The following CTNNAL1 variants were observed in gnomAD, a reference collection of about 807,000 sequenced individuals.
The protein encoded by CTNNAL1 is alpha-catulin.
In CTNNAL1, 69 loss-of-function variants were observed where a neutral mutation model predicts 93.6. The ratio of observed to expected loss-of-function variants is 0.74; its 90% confidence interval spans 0.61 to 0.90. CTNNAL1 has a LOEUF of 0.90. Ranked by LOEUF, CTNNAL1 falls within the 40% of genes least tolerant of loss-of-function variation. CTNNAL1 has a pLI of 0.00. For synonymous variants in CTNNAL1, 286 were observed against 305.4 expected (o/e 0.94, Z 0.66); for missense variants, 836 against 862.0 (o/e 0.97, Z 0.38).
At chr9:108,972,864 G>GGGGGGCGGCCCCCC in intron 8 of CTNNAL1, 31 bp from the exon 9 acceptor site, 1 of 142,584 alleles carries the variant, frequency 7.0e-6, no homozygotes, top group Non-Finnish European at 1.0e-5. Flanking sequence ...GGGGGGGTGG[G>GGGGGGCGGCCCCCC]AGGGTGGAGA....
chr9:108,979,131 G>A, intron 7 of CTNNAL1, 150 bp downstream of exon 7: 1 of 954,304 alleles, frequency 1.0e-6, no homozygotes, highest in East Asian at 2.6e-5. Flanking sequence ...GGATATTTTG[G>A]CCAACTAGGA....
At chr9:109,006,679 G>A (rs1827036630) in intron 1 of CTNNAL1, among the ~76,000 whole-genome samples, 1 of 152,128 alleles carries the variant, frequency 6.6e-6, no homozygotes, top group Admixed American at 6.5e-5. Flanking sequence ...CATCCCTTGG[G>A]GAAGAAAGAA....
Position 108,983,214 on chromosome 9 carries a change from A to G in CTNNAL1, c.831T>C (p.Thr277=), listed in dbSNP as rs1234304418. The change falls in exon 6 of 19, where the codon ACT becomes ACC. Residue 277 remains threonine (T), a synonymous_variant. Coordinates refer to ENST00000325551, the MANE Select transcript of CTNNAL1 (RefSeq NM_003798.4). ...CAGTCTCTCCATTCGGTTTACAGTC[A>G]GTCACAATTTCAATGACCTTATCCA... ...VALDKVIEIV[T]DCKPNGETDI... is the part of the protein sequence containing the mutation. The G allele has an allele frequency of 2.0e-5, 32 of 1,592,786 alleles. No homozygotes were observed. Among genetic ancestry groups the G allele is most frequent in the Non-Finnish European group, 2.7e-5 (32 of 1,169,418 alleles).
intron 17 of CTNNAL1, among the ~76,000 whole-genome samples, chr9:108,943,438 CT>C (rs1830305808): frequency 6.6e-6 from 1 of 152,158 alleles, no homozygotes; most frequent in South Asian, 2.1e-4. Context: ...CACCTGTGTC[CT>C]AGTTGCAGAG....
intron 4 of CTNNAL1, among the ~76,000 whole-genome samples, chr9:108,984,902 C>T (rs1359670958): frequency 6.6e-6 from 1 of 152,210 alleles, no homozygotes; most frequent in Non-Finnish European, 1.5e-5. Flanking sequence ...AACTGCTATG[C>T]ATCTCAAATT....
intron 9 of CTNNAL1, among the ~76,000 whole-genome samples, chr9:108,971,334 C>A (rs1207382014): frequency 6.6e-6 from 1 of 152,212 alleles, no homozygotes; most frequent in African/African-American, 2.4e-5. Flanking sequence ...CATTTATACA[C>A]ATGTTGGCTA....
At chr9:108,951,768 A>ATGG (rs1299992649) in intron 14 of CTNNAL1, among the ~76,000 whole-genome samples, 12 of 152,224 alleles carry the variant, frequency 7.9e-5, no homozygotes, top group Admixed American at 5.9e-4. Context: ...TACATAATGA[A>ATGG]TGGTGACTCA....
At chr9:108,985,417 T>C (rs1441327131) in intron 4 of CTNNAL1, among the ~76,000 whole-genome samples, 1 of 152,246 alleles carries the variant, frequency 6.6e-6, no homozygotes, top group Non-Finnish European at 1.5e-5. Flanking sequence ...TAAAGGCCCC[T>C]TCTTACAAAT....
chr9:108,993,572 G>T (rs1831897566), intron 2 of CTNNAL1, among the ~76,000 whole-genome samples: 1 of 152,106 alleles, frequency 6.6e-6, no homozygotes. Context: ...CAACCCTCTA[G>T]AAAAATTATC....
intron 1 of CTNNAL1, among the ~76,000 whole-genome samples, chr9:109,006,124 C>T (rs1827019005): frequency 1.3e-5 from 2 of 152,102 alleles, no homozygotes; most frequent in Non-Finnish European, 2.9e-5. Flanking sequence ...ACCCATAATC[C>T]TACTAACCTC....
intron 6 of CTNNAL1, among the ~76,000 whole-genome samples, chr9:108,980,213 C>G (rs11788406): frequency 6.6e-6 from 1 of 152,166 alleles, no homozygotes; most frequent in African/African-American, 2.4e-5. Context: ...CCTGAACCCC[C>G]TAACAACCTT....
intron 2 of CTNNAL1, among the ~76,000 whole-genome samples, chr9:108,993,113 T>C (rs1831875416): frequency 6.6e-6 from 1 of 152,174 alleles, no homozygotes; most frequent in Admixed American, 6.5e-5. Flanking sequence ...AAAAGCCTCC[T>C]GCCCTACAAG....
chr9:108,969,574 A>G lies in CTNNAL1; in HGVS notation c.1440+828T>C, dbSNP rs73526153. ...CAGAACATTCTTTCAGTGGTTGCTA[A>G]TTCTGGTTATCATAATTATTATTTT... is the stretch of plus-strand genomic sequence containing the variant. On this transcript the variant is annotated intron_variant, in intron 10 of 18. Transcript: ENST00000325551. Among the ~76,000 whole-genome samples the G allele has an allele frequency of 3.5e-3, 526 of 152,230 alleles. 2 individuals carry two copies. The highest frequency in any genetic ancestry group is 0.012 in the African/African-American group (506 of 41,522).
intron 7 of CTNNAL1, among the ~76,000 whole-genome samples, chr9:108,977,908 A>G (rs565952469): frequency 6.6e-6 from 1 of 152,336 alleles, no homozygotes; most frequent in African/African-American, 2.4e-5. Flanking sequence ...AAATTCTTGC[A>G]GACAAAGATT....
chr9:108,957,215 G>C (rs1444840474), intron 11 of CTNNAL1, among the ~76,000 whole-genome samples: 2 of 150,926 alleles, frequency 1.3e-5, no homozygotes, highest in Non-Finnish European at 2.9e-5. Context: ...CAACCTCCTG[G>C]GCTCCGGTGG....
intron 14 of CTNNAL1, chr9:108,950,718 A>G (rs1830538291): frequency 7.6e-7 from 1 of 1,323,682 alleles, no homozygotes; most frequent in Non-Finnish European, 1.0e-6. Context: ...GTGACTTTGC[A>G]AAAATAAATT....
At chr9:108,998,283 C>T (rs1251112439) in intron 2 of CTNNAL1, among the ~76,000 whole-genome samples, 1 of 152,112 alleles carries the variant, frequency 6.6e-6, no homozygotes, top group Non-Finnish European at 1.5e-5. Context: ...AGGTCAACCT[C>T]CCACAACAGA....
intron 11 of CTNNAL1, among the ~76,000 whole-genome samples, chr9:108,958,490 T>C (rs1052291558): frequency 1.3e-5 from 2 of 152,206 alleles, no homozygotes; most frequent in African/African-American, 2.4e-5. Context: ...ATTCCCATCC[T>C]TTAGTTAGAC....
At chr9:108,978,511 T>C (rs1033135393) in intron 7 of CTNNAL1, among the ~76,000 whole-genome samples, 2 of 152,246 alleles carry the variant, frequency 1.3e-5, no homozygotes, top group African/African-American at 4.8e-5. Context: ...CCATGTTAAA[T>C]ACTTTTCTGA....
Sources: allele counts gnomAD v4.1 joint callset (sites outside exome capture counted in the v4.1 genomes callset), GRCh38; gene constraint gnomAD v4.1.1; transcripts MANE v1.5; gene names NCBI Gene and HGNC (gene_info 2026-07-23, HGNC 2026-07-21).